FHIT: variants seen among roughly 807,000 people sequenced by gnomAD.
FHIT encodes the protein bis(5'-adenosyl)-triphosphatase.
Under a neutral mutation model 17.9 loss-of-function variants are expected in FHIT, and 19 were observed. The ratio of observed to expected loss-of-function variants is 1.06; its 90% CI spans 0.74 to 1.56. The LOEUF is 1.56. FHIT is among the 40% of genes most tolerant of loss of function. The pLI, the probability that FHIT is intolerant of heterozygous loss-of-function variation, is 0.00. For missense variants in FHIT, 248 were observed against 189.2 expected, an observed-to-expected ratio of 1.31 and a Z score of -1.82; for synonymous variants, 81 against 69.7, an observed-to-expected ratio of 1.16 and a Z score of -0.81.
intron 3 of FHIT, among the ~76,000 whole-genome samples, chr3:60,833,208 T>C (rs1415681111): frequency 6.6e-6 from 1 of 152,178 alleles, no homozygotes; most frequent in Non-Finnish European, 1.5e-5. Flanking sequence ...TCCTCAGCTA[T>C]GCATGGTGAC....
intron 4 of FHIT, among the ~76,000 whole-genome samples, chr3:60,792,833 CTTTT>C (rs34640191): frequency 2.8e-5 from 4 of 144,198 alleles, no homozygotes; most frequent in Non-Finnish European, 6.1e-5. Context: ...AAAACAATTT[CTTTT>C]TTTTTTTTTT....
At chr3:60,550,395 A>T (rs1413544232) in intron 4 of FHIT, among the ~76,000 whole-genome samples, 1 of 152,238 alleles carries the variant, frequency 6.6e-6, no homozygotes, top group Non-Finnish European at 1.5e-5. Flanking sequence ...GAATTTAAGC[A>T]AACAAGAATA....
chr3:61,036,901 G>GTTTTTTTTTTGTTT (rs2033269178), intron 3 of FHIT, among the ~76,000 whole-genome samples: 2 of 70,310 alleles, frequency 2.8e-5, no homozygotes, highest in African/African-American at 6.4e-5. Context: ...AGTCTGCTTT[G>GTTTTTTTTTTGTTT]TTTTTTTTTT....
chr3:60,749,764 C>T (rs1203392391), intron 4 of FHIT, among the ~76,000 whole-genome samples: 1 of 152,084 alleles, frequency 6.6e-6, no homozygotes, highest in African/African-American at 2.4e-5. Context: ...GAGTCATTTG[C>T]CTAAAGCCAT....
chr3:60,909,353 A>G (rs1472314031), intron 3 of FHIT, among the ~76,000 whole-genome samples: 1 of 139,612 alleles, frequency 7.2e-6, no homozygotes, highest in Non-Finnish European at 1.5e-5. Flanking sequence ...TGGGCAGCAG[A>G]GCGAGACTCT....
chr3:60,871,039 G>A (rs1164360346), intron 3 of FHIT, among the ~76,000 whole-genome samples: 1 of 152,096 alleles, frequency 6.6e-6, no homozygotes, highest in Non-Finnish European at 1.5e-5. Context: ...TAGGAGCACT[G>A]AGAACATGAT....
intron 2 of FHIT, among the ~76,000 whole-genome samples, chr3:61,053,325 G>A (rs959123526): frequency 1.3e-5 from 2 of 152,162 alleles, no homozygotes; most frequent in African/African-American, 2.4e-5. Context: ...AAGAAAAAGA[G>A]GATGGGAGAA....
At chr3:60,331,882 T>C (rs1709997350) in intron 5 of FHIT, among the ~76,000 whole-genome samples, 1 of 151,088 alleles carries the variant, frequency 6.6e-6, no homozygotes, top group Non-Finnish European at 1.5e-5. Context: ...AAAAGAAATA[T>C]ACTCTACTGA....
At chr3:60,954,085 C>T (rs1709010624) in intron 3 of FHIT, among the ~76,000 whole-genome samples, 1 of 152,168 alleles carries the variant, frequency 6.6e-6, no homozygotes, top group South Asian at 2.1e-4. Context: ...CTCACCACTG[C>T]CATCCTGGTA....
intron 5 of FHIT, among the ~76,000 whole-genome samples, chr3:60,406,979 C>A (rs551936711): frequency 3.9e-5 from 6 of 151,948 alleles, no homozygotes; most frequent in African/African-American, 1.4e-4. Flanking sequence ...TGCATAAACC[C>A]CAATCTACTC....
At chr3:60,779,200 T>C (rs2108091163) in intron 4 of FHIT, among the ~76,000 whole-genome samples, 1 of 152,350 alleles carries the variant, frequency 6.6e-6, no homozygotes, top group East Asian at 1.9e-4. Context: ...CATAATTTTT[T>C]TAACAAAAAT....
chr3:60,348,378 C>A (rs962702783), intron 5 of FHIT, among the ~76,000 whole-genome samples: 1 of 147,516 alleles, frequency 6.8e-6, no homozygotes, highest in East Asian at 1.9e-4. Context: ...TCACAAATAG[C>A]AGTGTCAAAT....
intron 4 of FHIT, among the ~76,000 whole-genome samples, chr3:60,619,810 T>C (rs1271907456): frequency 7.9e-5 from 12 of 152,190 alleles, no homozygotes; most frequent in Non-Finnish European, 5.9e-5. Flanking sequence ...AAAGAAATCA[T>C]TGATAAGCTA....
chr3:60,456,348 T>C (rs1321132039), intron 5 of FHIT, among the ~76,000 whole-genome samples: 1 of 152,206 alleles, frequency 6.6e-6, no homozygotes, highest in Non-Finnish European at 1.5e-5. Context: ...TCTGCCACAT[T>C]CACTCCCACA....
intron 9 of FHIT, 95 bp from the exon 10 acceptor site, chr3:59,749,674 T>G (rs983003426): frequency 1.7e-5 from 4 of 230,502 alleles, no homozygotes; most frequent in Admixed American, 5.7e-5. Flanking sequence ...TAGCATCTGG[T>G]GCTCTGGGAC....
intron 8 of FHIT, among the ~76,000 whole-genome samples, chr3:59,856,010 T>C (rs1702141614): frequency 6.6e-6 from 1 of 152,106 alleles, no homozygotes; most frequent in South Asian, 2.1e-4. Flanking sequence ...CTTGATCTCC[T>C]GACTTCGTGA....
chr3:61,085,338 G>A (rs2035271602), intron 2 of FHIT, among the ~76,000 whole-genome samples: 1 of 152,042 alleles, frequency 6.6e-6, no homozygotes, highest in South Asian at 2.1e-4. Context: ...AGCCATCCTA[G>A]TGGGTATAAA....
At chr3:60,533,507 T>G (rs912847235) in intron 5 of FHIT, among the ~76,000 whole-genome samples, 1 of 152,212 alleles carries the variant, frequency 6.6e-6, no homozygotes. Flanking sequence ...TTGGTCTTGG[T>G]ACCTGGAACA....
intron 7 of FHIT, among the ~76,000 whole-genome samples, chr3:59,948,466 G>C (rs1369039661): frequency 6.6e-6 from 1 of 151,618 alleles, no homozygotes; most frequent in Non-Finnish European, 1.5e-5. Flanking sequence ...GCAGTGAGCT[G>C]AGATCATGCC....
Sources: allele counts gnomAD v4.1 joint callset (sites outside exome capture counted in the v4.1 genomes callset), GRCh38; gene constraint gnomAD v4.1.1; transcripts MANE v1.5; gene names NCBI Gene and HGNC (gene_info 2026-07-23, HGNC 2026-07-21).